GALNT13: variants seen among roughly 807,000 people sequenced by gnomAD.
GALNT13 encodes polypeptide N-acetylgalactosaminyltransferase 13, also known as UDP-GalNAc:polypeptide N-acetylgalactosaminyltransferase 13.
Under a neutral mutation model 64.2 loss-of-function variants are expected in GALNT13, and 28 were observed. That is an observed-to-expected ratio of 0.44 (90% CI 0.32 to 0.60). The LOEUF (loss-of-function observed/expected upper bound fraction) is 0.60. Among genes scored for constraint, GALNT13 ranks in the 20% least tolerant of loss-of-function variants. The pLI is 0.05. For missense variants in GALNT13, 577 were observed against 669.8 expected (o/e 0.86, Z 1.53); for synonymous variants, 214 against 224.6 (o/e 0.95, Z 0.42).
the GALNT13 span, among the ~76,000 whole-genome samples, chr2:153,739,408 G>T: frequency 6.6e-6 from 1 of 151,036 alleles, no homozygotes; most frequent in African/African-American, 2.4e-5. Flanking sequence ...CTGTATTCTT[G>T]TGTGCAAGGT....
chr2:154,125,696 T>C (rs1682222194), intron 3 of GALNT13, among the ~76,000 whole-genome samples: 1 of 152,186 alleles, frequency 6.6e-6, no homozygotes. Flanking sequence ...TTGTCAATCT[T>C]AATGAATTAA....
the GALNT13 span, among the ~76,000 whole-genome samples, chr2:153,288,666 C>T: frequency 6.6e-6 from 1 of 152,168 alleles, no homozygotes; most frequent in African/African-American, 2.4e-5. Flanking sequence ...AGAGCAATAG[C>T]AGTGATGTTG....
chr2:153,128,199 G>A, the GALNT13 span, among the ~76,000 whole-genome samples: 7 of 152,068 alleles, frequency 4.6e-5, no homozygotes, highest in Non-Finnish European at 1.0e-4. Flanking sequence ...CCCTTTTCAT[G>A]CTACTGATAA....
intron 4 of GALNT13, among the ~76,000 whole-genome samples, chr2:154,161,205 A>G (rs1573779540): frequency 6.6e-6 from 1 of 152,336 alleles, no homozygotes; most frequent in African/African-American, 2.4e-5. Context: ...AAATGTGAGC[A>G]TAAATCTGTG....
At chr2:153,118,147 C>CACA in the GALNT13 span, among the ~76,000 whole-genome samples, 23,811 of 139,992 alleles carry the variant, frequency 0.17, 2,418 homozygotes, top group South Asian at 0.26. Flanking sequence ...ACACACACAC[C>CACA]CCACATAAAC....
At chr2:153,767,634 A>G in the GALNT13 span, among the ~76,000 whole-genome samples, 3 of 152,160 alleles carry the variant, frequency 2.0e-5, no homozygotes, top group African/African-American at 7.2e-5. Context: ...CAGTTTAGCA[A>G]TAGCCATTTT....
chr2:153,250,729 G>A, the GALNT13 span, among the ~76,000 whole-genome samples: 126,464 of 152,114 alleles, frequency 0.83, 53,814 homozygotes, highest in African/African-American at 0.93. Context: ...ATGTCCTTCC[G>A]GGGACATGGA....
At chr2:153,686,986 A>C in the GALNT13 span, among the ~76,000 whole-genome samples, 15 of 152,082 alleles carry the variant, frequency 9.9e-5, no homozygotes, top group Admixed American at 9.2e-4. Context: ...TCCAGGGATA[A>C]AGCCTACTTG....
At chr2:153,357,104 G>A in the GALNT13 span, among the ~76,000 whole-genome samples, 4 of 152,052 alleles carry the variant, frequency 2.6e-5, no homozygotes, top group Admixed American at 1.3e-4. Context: ...CACCGTGCCC[G>A]ACAGAGATCT....
chr2:154,006,087 G>A (rs1296684107), intron 3 of GALNT13, among the ~76,000 whole-genome samples: 1 of 152,000 alleles, frequency 6.6e-6, no homozygotes, highest in African/African-American at 2.4e-5. Context: ...GAACTTCTAG[G>A]GTGCAAATCT....
chr2:154,180,593 T>G (rs1055025394), intron 4 of GALNT13, among the ~76,000 whole-genome samples: 2 of 152,096 alleles, frequency 1.3e-5, no homozygotes, highest in South Asian at 4.1e-4. Context: ...TCCACAACCA[T>G]GTATAAGAAT....
At chr2:153,775,306 A>G in the GALNT13 span, among the ~76,000 whole-genome samples, 1 of 152,166 alleles carries the variant, frequency 6.6e-6, no homozygotes, top group East Asian at 1.9e-4. Flanking sequence ...AAGCAAAACC[A>G]AGTCAAATAT....
At chr2:153,107,355 G>T in the GALNT13 span, among the ~76,000 whole-genome samples, 16 of 152,150 alleles carry the variant, frequency 1.1e-4, no homozygotes, top group Non-Finnish European at 1.6e-4. Flanking sequence ...CACCCATGAT[G>T]TATGTTAAAA....
At chr2:153,191,023 G>A in the GALNT13 span, among the ~76,000 whole-genome samples, 1 of 151,908 alleles carries the variant, frequency 6.6e-6, no homozygotes, top group Non-Finnish European at 1.5e-5. Context: ...CACAAAGAAG[G>A]ACAATTTTAT....
chr2:153,834,757 T>G, the GALNT13 span, among the ~76,000 whole-genome samples: 1 of 152,056 alleles, frequency 6.6e-6, no homozygotes, highest in Non-Finnish European at 1.5e-5. Flanking sequence ...GGAAAGATAA[T>G]GAGGCATACA....
intron 3 of GALNT13, among the ~76,000 whole-genome samples, chr2:153,975,455 A>C (rs1456862628): frequency 6.6e-6 from 1 of 151,974 alleles, no homozygotes; most frequent in Non-Finnish European, 1.5e-5. Context: ...CTTTCTCTGC[A>C]CTCAGGCCTT....
rs1287984131 is a variant in GALNT13 at position 154,046,625 on chromosome 2, C to T, written c.143-93712C>T. ...AAATTCATTTCATGAAGCCCCAAAG[C>T]ATAGTAGCTTAGAATGTAACCATAT... is the stretch of plus-strand genomic sequence containing the variant. On this transcript the variant is annotated intron_variant, in intron 3 of 12. Coordinates refer to ENST00000392825, the MANE Select transcript of GALNT13 (RefSeq NM_052917.4). 2.6e-5 allele frequency among the ~76,000 whole-genome samples: 4 copies of T among 152,174 alleles called. No individual in the cohort carries two copies. In the East Asian group the frequency reaches 7.7e-4, roughly 29 times the overall value.
At chr2:153,861,477 T>C in the GALNT13 span, among the ~76,000 whole-genome samples, 1 of 152,144 alleles carries the variant, frequency 6.6e-6, no homozygotes, top group Non-Finnish European at 1.5e-5. Flanking sequence ...TCATTTACTA[T>C]TTTCTATGGT....
At chr2:154,221,995 C>T (rs1445531602) in intron 4 of GALNT13, among the ~76,000 whole-genome samples, 1 of 152,046 alleles carries the variant, frequency 6.6e-6, no homozygotes, top group African/African-American at 2.4e-5. Context: ...AATTCCAGCT[C>T]TATTTGTTAT....
Sources: gnomAD v4.1 joint callset for allele counts (sites outside exome capture counted in the v4.1 genomes callset) on GRCh38, gnomAD v4.1.1 for gene constraint, MANE v1.5 for transcripts, NCBI Gene and HGNC (gene_info 2026-07-23, HGNC 2026-07-21) for gene names.